The following SP4 variants were observed in gnomAD, a reference collection of about 807,000 sequenced individuals.
SP4 encodes the protein Sp4 transcription factor.
Under a neutral mutation model 72.8 loss-of-function variants are expected in SP4, and 19 were observed. That is an observed-to-expected ratio of 0.26 (90% confidence interval 0.18 to 0.38). The LOEUF (loss-of-function observed/expected upper bound fraction) is 0.38, where lower values mean the gene tolerates loss of function less well. SP4 is among the 10% of genes least tolerant of loss of function. SP4 has a pLI of 1.00. For synonymous variants in SP4, 395 were observed against 333.1 expected (o/e 1.19, Z -2.02); for missense variants, 1,008 against 926.3 (o/e 1.09, Z -1.14).
intron 1 of SP4, 95 bp downstream of exon 1, chr7:21,428,353 G>A: frequency 1.4e-6 from 1 of 724,598 alleles, no homozygotes; most frequent in South Asian, 1.5e-5. Flanking sequence ...CCCCGGGGCC[G>A]CTGAGATGCT....
At chr7:21,498,852 G>A (rs538447388) in intron 5 of SP4, among the ~76,000 whole-genome samples, 117 of 152,234 alleles carry the variant, frequency 7.7e-4, no homozygotes, top group African/African-American at 2.6e-3. Context: ...ATGGGAGGCC[G>A]AGGCAGGCGG....
chr7:21,476,273 C>CA (rs753166936), intron 3 of SP4, among the ~76,000 whole-genome samples: 19,757 of 48,912 alleles, frequency 0.4, 4,256 homozygotes, highest in Non-Finnish European at 0.5. Context: ...GACTCCATCT[C>CA]AAAAAAAAAA....
Position 21,511,006 on chromosome 7 carries a change from C to A in SP4, c.2108-16C>A, listed in dbSNP as rs145829158. The A allele has an allele frequency of 5.0e-5, 79 of 1,587,930 alleles. No individual in the cohort carries two copies. The African/African-American group carries it at 8.3e-4, about 17-fold the overall frequency. On this transcript the variant is annotated splice_polypyrimidine_tract_variant and intron_variant, in intron 5 of 5. Transcript: ENST00000222584. ...AGCAAAATGTGTATAACGCCATTTA[C>A]TGTTTTTCTATGTAGGTGAAAAGAG...
chr7:21,508,232 G>C (rs1472118975), intron 5 of SP4, among the ~76,000 whole-genome samples: 3 of 152,174 alleles, frequency 2.0e-5, no homozygotes, highest in African/African-American at 7.2e-5. Flanking sequence ...CAGGCCCCCA[G>C]GTTTGTGAGA....
chr7:21,447,386 A>T (rs1481447883), intron 3 of SP4, among the ~76,000 whole-genome samples: 1 of 152,190 alleles, frequency 6.6e-6, no homozygotes, highest in Non-Finnish European at 1.5e-5. Flanking sequence ...GCACCTTATG[A>T]CTTGGACTTC....
chr7:21,458,207 G>T (rs1783835330), intron 3 of SP4, among the ~76,000 whole-genome samples: 1 of 151,950 alleles, frequency 6.6e-6, no homozygotes, highest in Non-Finnish European at 1.5e-5. Context: ...TGGGGGGTGG[G>T]GTGGGGATGG....
intron 5 of SP4, among the ~76,000 whole-genome samples, chr7:21,494,373 G>A (rs1785053979): frequency 6.6e-6 from 1 of 152,184 alleles, no homozygotes; most frequent in South Asian, 2.1e-4. Flanking sequence ...CAGGTTGTCT[G>A]TATAGCAAAT....
intron 4 of SP4, among the ~76,000 whole-genome samples, chr7:21,478,638 T>C (rs982496069): frequency 6.6e-6 from 1 of 152,250 alleles, no homozygotes; most frequent in East Asian, 1.9e-4. Context: ...CTTGTTCTTA[T>C]TGGCCATGTT....
intron 3 of SP4, 70 bp from the exon 4 acceptor site, chr7:21,477,009 A>ATT: frequency 4.7e-6 from 5 of 1,061,562 alleles, no homozygotes; most frequent in Non-Finnish European, 6.7e-6. Context: ...ATGCACATAG[A>ATT]TTTTTTTTTT....
intron 5 of SP4, among the ~76,000 whole-genome samples, chr7:21,509,106 T>G (rs1782080976): frequency 6.6e-6 from 1 of 152,184 alleles, no homozygotes; most frequent in Non-Finnish European, 1.5e-5. Flanking sequence ...TTCGTCAGAA[T>G]GTTTCATATT....
intron 5 of SP4, among the ~76,000 whole-genome samples, chr7:21,502,883 A>AC (rs1781905313): frequency 6.6e-6 from 1 of 152,098 alleles, no homozygotes; most frequent in Non-Finnish European, 1.5e-5. Flanking sequence ...GTCTTCCAGA[A>AC]CTGGGGCCAG....
At chr7:21,472,757 G>A (rs1197073049) in intron 3 of SP4, among the ~76,000 whole-genome samples, 2 of 151,538 alleles carry the variant, frequency 1.3e-5, no homozygotes, top group Admixed American at 6.6e-5. Context: ...GAACAGCAGA[G>A]TGAGACCCCC....
chr7:21,446,029 T>TGTGTGC (rs1491318110), intron 3 of SP4, among the ~76,000 whole-genome samples: 1 of 140,124 alleles, frequency 7.1e-6, no homozygotes, highest in Non-Finnish European at 1.6e-5. Context: ...TGTGTGTGTG[T>TGTGTGC]GCACGCATAT....
chr7:21,431,837 G>A (rs151274333), intron 3 of SP4, among the ~76,000 whole-genome samples: 1,799 of 152,266 alleles, frequency 0.012, 17 homozygotes, highest in Non-Finnish European at 0.02. Flanking sequence ...GATAATGTGG[G>A]ATAAATAAGT....
intron 5 of SP4, among the ~76,000 whole-genome samples, chr7:21,484,695 G>C (rs930014314): frequency 1.3e-5 from 2 of 151,776 alleles, no homozygotes; most frequent in Non-Finnish European, 3.0e-5. Context: ...TTCCATCCTG[G>C]ATTAGCAGTG....
chr7:21,434,982 A>G (rs1562584309), intron 3 of SP4, among the ~76,000 whole-genome samples: 1 of 152,172 alleles, frequency 6.6e-6, no homozygotes, highest in African/African-American at 2.4e-5. Context: ...TGTTTTCACA[A>G]TGTCTTCTAC....
chr7:21,428,587 G>A (rs1448981649), intron 1 of SP4, 90 bp from the exon 2 acceptor site: 14 of 1,280,380 alleles, frequency 1.1e-5, no homozygotes. Flanking sequence ...ATGTTCGGGG[G>A]GAGGGGGGAG....
intron 3 of SP4, among the ~76,000 whole-genome samples, chr7:21,432,007 T>C (rs573120116): frequency 6.6e-6 from 1 of 152,344 alleles, no homozygotes; most frequent in South Asian, 2.1e-4. Flanking sequence ...ATTTTTTATC[T>C]AGATACCAGT....
chr7:21,488,479 C>CT (rs59893862), intron 5 of SP4, among the ~76,000 whole-genome samples: 57,119 of 133,122 alleles, frequency 0.43, 14,414 homozygotes, highest in East Asian at 0.76. Context: ...ACTTCCTTTC[C>CT]TTTTTTTTTT....
Sources: gnomAD v4.1 joint callset for allele counts (sites outside exome capture counted in the v4.1 genomes callset) on GRCh38, gnomAD v4.1.1 for gene constraint, MANE v1.5 for transcripts, NCBI Gene and HGNC (gene_info 2026-07-23, HGNC 2026-07-21) for gene names.